Variants in RASSF1 observed in about 807,000 individuals in gnomAD.
RASSF1 encodes ras association domain-containing protein 1.
A neutral mutation model predicts 34.3 loss-of-function variants in RASSF1; 33 were observed. That is an observed-to-expected ratio of 0.96 (90% CI 0.73 to 1.29). RASSF1 has a LOEUF of 1.29. Ranked by LOEUF, RASSF1 falls within the 50% of genes most tolerant of loss-of-function variation. The pLI, the probability that RASSF1 is intolerant of heterozygous loss-of-function variation, is 0.00. For synonymous variants in RASSF1, 191 were observed against 195.0 expected, an observed-to-expected ratio of 0.98 and a Z score of 0.17; for missense variants, 445 against 471.8, an observed-to-expected ratio of 0.94 and a Z score of 0.53.
intron 2 of RASSF1, among the ~76,000 whole-genome samples, chr3:50,335,199 C>T (rs941840552): frequency 6.6e-6 from 1 of 152,044 alleles, no homozygotes; most frequent in Non-Finnish European, 1.5e-5. Context: ...CCACCCACCT[C>T]GGCTTTCCAA....
intron 2 of RASSF1, among the ~76,000 whole-genome samples, chr3:50,334,591 G>A (rs988218131): frequency 1.2e-4 from 18 of 152,310 alleles, no homozygotes; most frequent in African/African-American, 3.8e-4. Flanking sequence ...AGGGCACAGG[G>A]ATGGTGCTAA....
In RASSF1 at chr3:50,331,444, A is replaced by C. The variant is rs778353951; in HGVS notation, c.766T>G (p.Leu256Val). The stretch of plus-strand genomic sequence containing the variant: ...TGCTCATCATCCAACAGCTTCCGCA[A>C]GTACACTGTGAAGGGGAAGTAATGA... ...ERAERHGQVYLRKLLDDEQPL... is the reference protein window; with the variant it reads ...ERAERHGQVYVRKLLDDEQPL... The change falls in exon 5 of 6, where the codon TTG (leucine) becomes GTG (valine). Residue 256 changes from leucine (L) to valine (V), a missense_variant. Transcript: ENST00000359365. The C allele has an allele frequency of 1.3e-6, 2 of 1,592,886 alleles. No individual in the cohort carries two copies. The highest frequency in any genetic ancestry group is 1.7e-6 in the Non-Finnish European group (2 of 1,166,908).
chr3:50,331,121 G>T (rs1315168524), intron 5 of RASSF1, among the ~76,000 whole-genome samples: 1 of 152,218 alleles, frequency 6.6e-6, no homozygotes, highest in African/African-American at 2.4e-5. Context: ...AAAGATCAAA[G>T]CACCAAGGCA....
rs1553717987 is a variant in RASSF1 at position 50,329,844 on chromosome 3, T to G, written c.*737A>C. 6.6e-6 allele frequency: 1 copy of G among 152,562 alleles called. No homozygotes were observed. The highest frequency in any genetic ancestry group is 2.4e-5 in the African/African-American group (1 of 41,448). The allele number at this position is 152,562 out of a possible 1,614,324, so 9.5% of individuals were successfully genotyped here. ...TCAGGCCCCAGGCCCTGATGATGAC[T>G]GTCACCCCAACCCCTTTCCCCACAG... On this transcript the variant is annotated 3_prime_UTR_variant, in exon 6 of 6. Coordinates refer to ENST00000359365, the MANE Select transcript of RASSF1 (RefSeq NM_007182.5).
chr3:50,331,838 T>C lies in RASSF1; in HGVS notation c.481A>G (p.Thr161Ala), dbSNP rs771007006. Residue 161 changes from threonine (T) to alanine (A), a missense_variant, in exon 4 of 6, where the codon ACA (threonine) becomes GCA (alanine). By Grantham distance (58) the Thr-to-Ala change is moderately conservative. Coordinates refer to ENST00000359365, the MANE Select transcript of RASSF1 (RefSeq NM_007182.5). ...FMSLNKDGSYTGFIKVQLKLV... is the reference protein window; with the variant it reads ...FMSLNKDGSYAGFIKVQLKLV... ...TTCAGCTGAACCTTGATGAAGCCTG[T>C]GTAAGAACCGTCCTTGTTCTAAAGA... 13 of 1,573,716 alleles carry C rather than the reference T, an allele frequency of 8.3e-6. No individual in the cohort carries two copies. In the African/African-American group the frequency reaches 1.4e-4, roughly 16 times the overall value.
In RASSF1 at chr3:50,331,540, G is replaced by A. The variant is rs76723972; in HGVS notation, c.760+19C>T. On this transcript the variant is annotated intron_variant, in intron 4 of 5. Coordinates refer to ENST00000359365, the MANE Select transcript of RASSF1 (RefSeq NM_007182.5). ...GCGTATATACCCTCACATAGGGCAG[G>A]GTGGGGTGGGAAGCCCACCTTGGCC... The A allele has an allele frequency of 1.8e-3, 2,926 of 1,581,646 alleles. 42 individuals are homozygous for A. The African/African-American group carries it at 0.036, about 19-fold the overall frequency.
At chr3:50,334,237 G>GC (rs2109341376) in intron 2 of RASSF1, among the ~76,000 whole-genome samples, 1 of 152,284 alleles carries the variant, frequency 6.6e-6, no homozygotes, top group South Asian at 2.1e-4. Flanking sequence ...AAGAACTAAG[G>GC]CCAGGGCCTT....
intron 2 of RASSF1, chr3:50,337,324 G>C (rs778302576): frequency 6.2e-7 from 1 of 1,611,148 alleles, no homozygotes; most frequent in South Asian, 1.1e-5. Context: ...GCCCATAGCC[G>C]TACCCGCCCG....
At chr3:50,340,441 C>G (rs935873320) in intron 1 of RASSF1, 115 bp downstream of exon 1, 56 of 1,310,944 alleles carry the variant, frequency 4.3e-5, no homozygotes, top group Non-Finnish European at 5.2e-5. Flanking sequence ...AGTAACGGAC[C>G]TAGTCCTCGG....
chr3:50,340,763 G>A lies in RASSF1; in HGVS notation c.43C>T (p.Pro15Ser). 6.6e-7 allele frequency: 1 copy of A among 1,512,716 alleles called. No individual in the cohort carries two copies. The highest frequency in any genetic ancestry group is 1.2e-5 in the South Asian group (1 of 82,360). The allele number at this position is 1,512,716 out of a possible 1,614,324, so 93.7% of individuals were successfully genotyped here. A position where few individuals can be genotyped will look rare whatever the true frequency, so the allele number is the denominator to read the frequency against. Residue 15 changes from proline to serine, a missense_variant, in exon 1 of 6, where the codon CCC becomes TCC. By Grantham distance (74) the Pro-to-Ser change is moderately conservative. Transcript: ENST00000359365. ...CGGCCCTTCCCAGCGCGCCCAGCGGGTGCCAGCTCCCGCAGCTCAATGAGC... is the reference window on the plus strand; with the variant it reads ...CGGCCCTTCCCAGCGCGCCCAGCGGATGCCAGCTCCCGCAGCTCAATGAGC... ...PELIELRELAPAGRAGKGRTR... is the reference protein window; with the variant it reads ...PELIELRELASAGRAGKGRTR...
At chr3:50,338,249 G>A in intron 1 of RASSF1, 3 of 1,296,976 alleles carry the variant, frequency 2.3e-6, no homozygotes, top group Non-Finnish European at 2.9e-6. Flanking sequence ...CTATCGCCTA[G>A]CACAGAACTT....
chr3:50,337,385 C>T (rs1703189014), intron 2 of RASSF1: 3 of 1,594,198 alleles, frequency 1.9e-6, no homozygotes, highest in Non-Finnish European at 1.7e-6. Context: ...CGGTCGCGTG[C>T]GTGCGTGTAC....
chr3:50,335,242 C>G, intron 2 of RASSF1, among the ~76,000 whole-genome samples: 1 of 151,930 alleles, frequency 6.6e-6, no homozygotes, highest in East Asian at 1.9e-4. Flanking sequence ...GCCACTGCAC[C>G]TGGCCTAAAA....
At position 50,330,879 on chromosome 3, in the gene RASSF1, C is replaced by T. The variant is rs587699815; in HGVS notation, c.877-152G>A. 19 of 943,826 alleles carry T rather than the reference C, an allele frequency of 2.0e-5. No individual in the cohort carries two copies. The South Asian group carries it at 2.9e-4, about 15-fold the overall frequency. 58.5% of individuals were successfully genotyped at this position (943,826 alleles called of 1,614,324 possible). A position where few individuals can be genotyped will look rare whatever the true frequency, so the allele number is the denominator to read the frequency against. On this transcript the variant is annotated intron_variant, in intron 5 of 5. Coordinates refer to ENST00000359365, the MANE Select transcript of RASSF1 (RefSeq NM_007182.5). The surrounding 1 kb of genome is among the most constrained non-coding windows in gnomAD (Gnocchi z 4.5). Reference sequence around the variant, plus strand: ...TGGCTGAATGATCTCTGGTAGGATCCCTGACAGCAGTTTGTATGGAAGATG... The same window carrying T: ...TGGCTGAATGATCTCTGGTAGGATCTCTGACAGCAGTTTGTATGGAAGATG...
intron 2 of RASSF1, among the ~76,000 whole-genome samples, chr3:50,333,284 T>C (rs189392329): frequency 1.3e-4 from 20 of 152,292 alleles, no homozygotes; most frequent in Admixed American, 1.3e-3. Flanking sequence ...CAGCCACCAG[T>C]GGACAGAGTA....
Position 50,337,387 on chromosome 3 carries a change from T to G in RASSF1, c.357+518A>C, listed in dbSNP as rs1477825035. 3 of 1,595,194 alleles carry G rather than the reference T, an allele frequency of 1.9e-6. No homozygotes were observed. In the African/African-American group the frequency reaches 4.0e-5, roughly 21 times the overall value. The stretch of plus-strand genomic sequence containing the variant: ...CCAACCACCGCCCCGGTCGCGTGCG[T>G]GCGTGTACGCGTGTCAGTGTGCGCG... On this transcript the variant is annotated intron_variant, in intron 2 of 5. Coordinates refer to ENST00000359365, the MANE Select transcript of RASSF1 (RefSeq NM_007182.5).
chr3:50,337,616 C>T, intron 2 of RASSF1: 1 of 1,128,952 alleles, frequency 8.9e-7, no homozygotes, highest in Non-Finnish European at 1.2e-6. Flanking sequence ...CGGGCAAGCG[C>T]ACAAGAGTGG....
At chr3:50,332,329 T>C (rs1164877532) in intron 2 of RASSF1, among the ~76,000 whole-genome samples, 175 bp from the exon 3 acceptor site, 1 of 152,210 alleles carries the variant, frequency 6.6e-6, no homozygotes, top group African/African-American at 2.4e-5. Context: ...TTGCATGCTC[T>C]GGGTGGATAA....
Position 50,340,737 on chromosome 3 carries a change from G to T in RASSF1, c.69C>A (p.Arg23=). 6.6e-7 allele frequency: 1 copy of T among 1,516,408 alleles called. No individual in the cohort carries two copies. The highest frequency in any genetic ancestry group is 8.8e-7 in the Non-Finnish European group (1 of 1,141,930). 93.9% of individuals were successfully genotyped at this position (1,516,408 alleles called of 1,614,324 possible). ...GCGCGTTGGCACGCTCCAGCCGGGT[G>T]CGGCCCTTCCCAGCGCGCCCAGCGG... is the stretch of plus-strand genomic sequence containing the variant. ...LAPAGRAGKG[R]TRLERANALR... Residue 23 remains arginine (R), a synonymous_variant, in exon 1 of 6, where the codon CGC becomes CGA. Coordinates refer to ENST00000359365, the MANE Select transcript of RASSF1 (RefSeq NM_007182.5).
Sources: allele counts gnomAD v4.1 joint callset (sites outside exome capture counted in the v4.1 genomes callset), GRCh38; gene constraint gnomAD v4.1.1; non-coding constraint Gnocchi (gnomAD v3.1); transcripts MANE v1.5; gene names NCBI Gene and HGNC (gene_info 2026-07-23, HGNC 2026-07-21).